The following VWA5B1 variants were observed in gnomAD, a reference collection of about 807,000 sequenced individuals.
The protein encoded by VWA5B1 is von Willebrand factor A domain-containing protein 5B1.
VWA5B1 carries 115 observed loss-of-function variants against 118.2 expected under a neutral mutation model. That is an observed-to-expected ratio of 0.97 (90% CI 0.84 to 1.14). The LOEUF is 1.14. Among genes scored for constraint, VWA5B1 ranks in the 50% most tolerant of loss-of-function variants. The probability of loss-of-function intolerance (pLI) is 0.00; values close to 1 mark genes in which losing one functional copy is unlikely to be tolerated. For synonymous variants in VWA5B1, 682 were observed against 658.4 expected (o/e 1.04, Z -0.55); for missense variants, 1,596 against 1,603.8 (o/e 1.00, Z 0.08).
Position 20,336,362 on chromosome 1 carries a change from C to CAG in VWA5B1, c.1818_1819insAG (p.His607SerfsTer25). 1 of 1,528,074 alleles carries CAG rather than the reference C, an allele frequency of 6.5e-7. No homozygotes were observed. Among genetic ancestry groups the CAG allele is most frequent in the Non-Finnish European group, 8.8e-7 (1 of 1,135,094 alleles). The allele number at this position is 1,528,074 out of a possible 1,614,324, so 94.7% of individuals were successfully genotyped here. On this transcript the variant is annotated frameshift_variant, in exon 13 of 22. Coordinates refer to ENST00000289815, the MANE Select transcript of VWA5B1 (RefSeq NM_001039500.3). LOFTEE classifies it high-confidence loss of function. ...AGGAGTCTGGCAGCTCTGTCTTCTA[C>CAG]CACTCTCAGGATGACGGACCCGGGC...
In VWA5B1 at chr1:20,330,298, G is replaced by A. The variant is rs141786982; in HGVS notation, c.1373G>A (p.Arg458Gln). Reference sequence around the variant, plus strand: ...CAGCCAGTGCACCGAGGCCACCCGCGGCTCCTCTTCGTGATCACAGATGGC... The same window carrying A: ...CAGCCAGTGCACCGAGGCCACCCGCAGCTCCTCTTCGTGATCACAGATGGC... ...IRQPVHRGHPRLLFVITDGAV... is the reference protein window; with the variant it reads ...IRQPVHRGHPQLLFVITDGAV... The change falls in exon 10 of 22, where the codon CGG (arginine) becomes CAG (glutamine). Residue 458 changes from arginine (R) to glutamine (Q), a missense_variant. Transcript: ENST00000289815. 1.1e-5 allele frequency: 17 copies of A among 1,551,826 alleles called. No individual in the cohort carries two copies. The highest frequency in any genetic ancestry group is 3.6e-5 in the South Asian group (3 of 84,060).
At chr1:20,320,713 C>G in intron 7 of VWA5B1, among the ~76,000 whole-genome samples, 1 of 152,238 alleles carries the variant, frequency 6.6e-6, no homozygotes, top group East Asian at 1.9e-4. Context: ...CAACCCACAG[C>G]TGCTAAGAAA....
intron 1 of VWA5B1, among the ~76,000 whole-genome samples, chr1:20,292,999 G>A (rs2088340253): frequency 6.6e-6 from 1 of 152,198 alleles, no homozygotes; most frequent in Admixed American, 6.5e-5. Flanking sequence ...ATGGGGTGAA[G>A]ACCAGCCCCA....
In VWA5B1 at chr1:20,314,602, C is replaced by T. The variant is rs569721893; in HGVS notation, c.563+10C>T. Reference sequence around the variant, plus strand: ...ACCAACAGGCCCAGGGGTAAGGAAGCCCTGCCCAGACCAATCAGAGTCCCA... The same window carrying T: ...ACCAACAGGCCCAGGGGTAAGGAAGTCCTGCCCAGACCAATCAGAGTCCCA... On this transcript the variant is annotated intron_variant, in intron 4 of 21. Coordinates refer to ENST00000289815, the MANE Select transcript of VWA5B1 (RefSeq NM_001039500.3). The T allele has an allele frequency of 1.7e-5, 26 of 1,549,874 alleles. No individual in the cohort carries two copies. The highest frequency in any genetic ancestry group is 2.0e-5 in the Non-Finnish European group (23 of 1,146,036).
At chr1:20,308,329 C>T (rs1308668742) in intron 1 of VWA5B1, among the ~76,000 whole-genome samples, 3 of 152,192 alleles carry the variant, frequency 2.0e-5, no homozygotes, top group African/African-American at 7.2e-5. Flanking sequence ...ACAGTGTGGG[C>T]AGATTGGGTT....
At chr1:20,308,496 A>T (rs1368435660) in intron 1 of VWA5B1, among the ~76,000 whole-genome samples, 2 of 152,082 alleles carry the variant, frequency 1.3e-5, no homozygotes, top group African/African-American at 4.8e-5. Context: ...GCGGGGAGTG[A>T]ACATTGGGAG....
intron 17 of VWA5B1, among the ~76,000 whole-genome samples, chr1:20,347,218 G>A (rs1287273663): frequency 6.6e-6 from 1 of 152,180 alleles, no homozygotes; most frequent in African/African-American, 2.4e-5. Context: ...AGAACCACTG[G>A]ATTAGATAAA....
intron 16 of VWA5B1, among the ~76,000 whole-genome samples, chr1:20,344,127 C>T (rs1224980745): frequency 6.6e-6 from 1 of 151,266 alleles, no homozygotes; most frequent in Non-Finnish European, 1.5e-5. Context: ...AAGATCCACC[C>T]TCTTCCCCCT....
chr1:20,334,047 G>A (rs796572748), intron 12 of VWA5B1, among the ~76,000 whole-genome samples: 13 of 152,348 alleles, frequency 8.5e-5, no homozygotes, highest in African/African-American at 2.6e-4. Flanking sequence ...GATGGCACAC[G>A]CCCTGGCTAA....
intron 18 of VWA5B1, chr1:20,349,127 G>T: frequency 5.0e-6 from 2 of 396,362 alleles, no homozygotes; most frequent in Non-Finnish European, 1.0e-5. Context: ...GACATTGATG[G>T]GTTTTAAAAC....
Position 20,330,727 on chromosome 1 carries a change from C to T in VWA5B1, c.1458-142C>T. 5.8e-6 allele frequency: 5 copies of T among 854,842 alleles called. No individual in the cohort carries two copies. The South Asian group carries it at 7.7e-5, about 13-fold the overall frequency. 53.0% of individuals were successfully genotyped at this position (854,842 alleles called of 1,614,324 possible). A position where few individuals can be genotyped will look rare whatever the true frequency, so the allele number is the denominator to read the frequency against. On this transcript the variant is annotated intron_variant, in intron 10 of 21. Transcript: ENST00000289815. Reference sequence around the variant, plus strand: ...TGTATGTGGGTACCCCCGATGGCCCCTCTTCCTTCTCCCTCTCCCTCTACC... The same window carrying T: ...TGTATGTGGGTACCCCCGATGGCCCTTCTTCCTTCTCCCTCTCCCTCTACC...
Position 20,354,325 on chromosome 1 carries a change from G to C in VWA5B1, c.*62G>C. ...GGAGGAGAGGGATGGGCAGGGCCAT[G>C]TCGGCCTGGTTTCGGGGAGCTTTTG... On this transcript the variant is annotated 3_prime_UTR_variant, in exon 22 of 22. Transcript: ENST00000289815. 1.4e-6 allele frequency: 2 copies of C among 1,479,152 alleles called. No individual in the cohort carries two copies. The highest frequency in any genetic ancestry group is 1.8e-6 in the Non-Finnish European group (2 of 1,108,554). 91.6% of individuals were successfully genotyped at this position (1,479,152 alleles called of 1,614,324 possible).
Position 20,342,498 on chromosome 1 carries a change from C to T in VWA5B1, c.2200C>T (p.Pro734Ser), listed in dbSNP as rs1384247095. ...ACTCCGTGGCCCAGGGGCCCGAAGG[C>T]CCTCTCTGCTGCCCCAAGGCTGCCA... ...PKLRGPGARR[P>S]SLLPQGCQPF... is the part of the protein sequence containing the mutation. Residue 734 changes from proline (P) to serine (S), a missense_variant, in exon 15 of 22, where the codon CCC becomes TCC. Transcript: ENST00000289815. The T allele has an allele frequency of 6.4e-7, 1 of 1,551,192 alleles. No individual in the cohort carries two copies. Among genetic ancestry groups the T allele is most frequent in the Non-Finnish European group, 8.7e-7 (1 of 1,146,906 alleles).
intron 4 of VWA5B1, among the ~76,000 whole-genome samples, chr1:20,316,233 G>C (rs1255306162): frequency 6.6e-6 from 1 of 152,216 alleles, no homozygotes; most frequent in African/African-American, 2.4e-5. Flanking sequence ...GCAATCCTCG[G>C]TGTGGCCTTT....
intron 14 of VWA5B1, among the ~76,000 whole-genome samples, chr1:20,341,193 C>T (rs769738735): frequency 4.0e-4 from 61 of 152,222 alleles, no homozygotes; most frequent in South Asian, 2.1e-4. Flanking sequence ...TTGCCAACCC[C>T]TACTGATGCC....
chr1:20,348,507 C>T (rs1398979798), intron 18 of VWA5B1, 149 bp downstream of exon 18: 1 of 785,196 alleles, frequency 1.3e-6, no homozygotes, highest in Non-Finnish European at 2.1e-6. Context: ...AGCCAGTCCT[C>T]CCAGGCTCTC....
At position 20,314,578 on chromosome 1, in the gene VWA5B1, C is replaced by T; in HGVS notation, c.549C>T (p.Asn183=). The T allele has an allele frequency of 6.4e-7, 1 of 1,551,442 alleles. No homozygotes were observed. The highest frequency in any genetic ancestry group is 8.7e-7 in the Non-Finnish European group (1 of 1,146,968). The change falls in exon 4 of 22, where the codon AAC becomes AAT. Residue 183 remains asparagine, a synonymous_variant. Coordinates refer to ENST00000289815, the MANE Select transcript of VWA5B1 (RefSeq NM_001039500.3). ...GCACCAAGAGCACTGGCACCTCCAA[C>T]CAACAGGCCCAGGGGTAAGGAAGCC... ...QFCTKSTGTS[N]QQAQGKDRHC...
In VWA5B1 at chr1:20,336,438, C is replaced by A; in HGVS notation, c.1894C>A (p.Gln632Lys). ...CTCGGGGGCACCCTTCATCCTAGGG[C>A]AGGCCAAAAATGCCCGGCTAGCCAG... is the stretch of plus-strand genomic sequence containing the variant. Reference protein sequence around the residue: ...KNSGAPFILGQAKNARLASGD... With the variant: ...KNSGAPFILGKAKNARLASGD... The change falls in exon 13 of 22, where the codon CAG becomes AAG. Residue 632 changes from glutamine to lysine, a missense_variant. Physicochemically the swap from Gln to Lys is moderately conservative, Grantham distance 53 (BLOSUM62 1). Transcript: ENST00000289815. 1.3e-6 allele frequency: 2 copies of A among 1,499,886 alleles called. No homozygotes were observed. Among genetic ancestry groups the A allele is most frequent in the South Asian group, 1.4e-5 (1 of 73,572 alleles). The allele number at this position is 1,499,886 out of a possible 1,614,324, so 92.9% of individuals were successfully genotyped here. A position where few individuals can be genotyped will look rare whatever the true frequency, so the allele number is the denominator to read the frequency against.
chr1:20,318,712 C>T lies in VWA5B1; in HGVS notation c.832C>T (p.His278Tyr), dbSNP rs1313141135. ...TFDRPVEILI[H>Y]PSEPHMPHVL... ...TGACCGGCCTGTGGAGATCCTCATC[C>T]ACCCCAGCGGTACGGTGCCCCACAA... The change falls in exon 6 of 22, where the codon CAC becomes TAC. Residue 278 changes from histidine to tyrosine, a missense_variant. By Grantham distance (83) the His-to-Tyr change is moderately conservative. Transcript: ENST00000289815. 1.3e-6 allele frequency: 2 copies of T among 1,505,204 alleles called. No homozygotes were observed. The highest frequency in any genetic ancestry group is 2.1e-5 in the Admixed American group (1 of 47,796). The allele number at this position is 1,505,204 out of a possible 1,614,324, so 93.2% of individuals were successfully genotyped here. A position where few individuals can be genotyped will look rare whatever the true frequency, so the allele number is the denominator to read the frequency against.
Sources: gnomAD v4.1 joint callset for allele counts (sites outside exome capture counted in the v4.1 genomes callset) on GRCh38, gnomAD v4.1.1 for gene constraint, MANE v1.5 for transcripts, NCBI Gene and HGNC (gene_info 2026-07-23, HGNC 2026-07-21) for gene names.